The following ANKS1B variants were observed in gnomAD, a reference collection of about 807,000 sequenced individuals.
The protein encoded by ANKS1B is ankyrin repeat and sterile alpha motif domain-containing protein 1B.
In ANKS1B, 36 loss-of-function variants were observed where a neutral mutation model predicts 148.3. That is an observed-to-expected ratio of 0.24 (90% confidence interval 0.19 to 0.32). The LOEUF (loss-of-function observed/expected upper bound fraction) is 0.32. Ranked by LOEUF, ANKS1B falls within the 10% of genes least tolerant of loss-of-function variation. ANKS1B has a pLI of 1.00. For synonymous variants in ANKS1B, 542 were observed against 560.8 expected, an observed-to-expected ratio of 0.97 and a Z score of 0.47; for missense variants, 1,157 against 1,542.6, an observed-to-expected ratio of 0.75 and a Z score of 4.19.
chr12:98,879,410 G>A (rs911085555), intron 17 of ANKS1B, among the ~76,000 whole-genome samples: 5 of 152,226 alleles, frequency 3.3e-5, no homozygotes, highest in Non-Finnish European at 7.3e-5. Context: ...ATAAGTCATA[G>A]AGTGAGGATG....
chr12:98,832,045 C>T lies in ANKS1B; in HGVS notation c.2870G>A (p.Arg957Gln). The change falls in exon 18 of 27, where the codon CGG becomes CAG. Residue 957 changes from arginine to glutamine, a missense_variant. Arg to Gln is a conservative substitution (Grantham distance 43). This residue lies in a region of ANKS1B where 258 missense variants were observed against 497.0 expected (regional missense o/e 0.52). Coordinates refer to ENST00000683438, the MANE Select transcript of ANKS1B (RefSeq NM_001352186.2). ...LHDDPPQKPP[R>Q]SITLREPSGN... Reference sequence around the variant, plus strand: ...GGCACTTACCCTGAGGGTGATGGACCGAGGGGGCTTCTGTGGGGGATCGTC... The same window carrying T: ...GGCACTTACCCTGAGGGTGATGGACTGAGGGGGCTTCTGTGGGGGATCGTC... 5.6e-6 allele frequency: 9 copies of T among 1,593,386 alleles called. No individual in the cohort carries two copies. The highest frequency in any genetic ancestry group is 7.7e-6 in the Non-Finnish European group (9 of 1,169,616).
At chr12:99,883,052 C>T (rs548772664) in intron 1 of ANKS1B, among the ~76,000 whole-genome samples, 8 of 152,142 alleles carry the variant, frequency 5.3e-5, no homozygotes, top group Non-Finnish European at 7.3e-5. Flanking sequence ...ATGCCATATG[C>T]AAATGTGGAA....
intron 12 of ANKS1B, among the ~76,000 whole-genome samples, chr12:99,270,456 A>T (rs1432138397): frequency 4.6e-5 from 7 of 152,028 alleles, no homozygotes; most frequent in African/African-American, 1.2e-4. Context: ...GAGGTTACTT[A>T]TATTTGTTTT....
chr12:99,375,646 G>C (rs368844865), intron 12 of ANKS1B, among the ~76,000 whole-genome samples: 2 of 151,532 alleles, frequency 1.3e-5, no homozygotes, highest in African/African-American at 4.9e-5. Context: ...ATTTGACAAA[G>C]GTATAATGAA....
intron 17 of ANKS1B, among the ~76,000 whole-genome samples, chr12:98,950,681 T>C (rs1320605486): frequency 6.6e-6 from 1 of 152,164 alleles, no homozygotes; most frequent in Admixed American, 6.5e-5. Context: ...CCCCAGGTAA[T>C]TCCTGCAAGC....
At chr12:99,527,489 A>G (rs1439001641) in intron 9 of ANKS1B, among the ~76,000 whole-genome samples, 1 of 152,174 alleles carries the variant, frequency 6.6e-6, no homozygotes, top group East Asian at 1.9e-4. Flanking sequence ...ACTTGTTAGT[A>G]ATCCGGATTT....
intron 17 of ANKS1B, among the ~76,000 whole-genome samples, chr12:98,948,980 T>A (rs1349663062): frequency 2.9e-5 from 4 of 136,558 alleles, no homozygotes; most frequent in Non-Finnish European, 6.2e-5. Flanking sequence ...TGAGATGGAG[T>A]CTTGCTCTGT....
At chr12:99,486,102 T>C (rs1643325693) in intron 10 of ANKS1B, among the ~76,000 whole-genome samples, 1 of 151,326 alleles carries the variant, frequency 6.6e-6, no homozygotes, top group African/African-American at 2.5e-5. Flanking sequence ...TAGAATCCTG[T>C]TTTGTCATAT....
intron 1 of ANKS1B, among the ~76,000 whole-genome samples, chr12:99,845,899 T>C (rs2086593846): frequency 6.6e-6 from 1 of 152,040 alleles, no homozygotes; most frequent in Non-Finnish European, 1.5e-5. Flanking sequence ...TTCAGAACAA[T>C]ATTGGTCTCT....
At chr12:99,737,442 A>C (rs1346248502) in intron 8 of ANKS1B, among the ~76,000 whole-genome samples, 1 of 152,128 alleles carries the variant, frequency 6.6e-6, no homozygotes. Context: ...ATACAAAGAC[A>C]AACATAATAT....
At chr12:99,919,710 C>T (rs1486326528) in intron 1 of ANKS1B, among the ~76,000 whole-genome samples, 1 of 150,844 alleles carries the variant, frequency 6.6e-6, no homozygotes, top group African/African-American at 2.5e-5. Flanking sequence ...AACATGGTAG[C>T]CTCTAGCCAC....
chr12:99,429,555 G>C (rs140052627), intron 11 of ANKS1B, among the ~76,000 whole-genome samples: 1 of 152,188 alleles, frequency 6.6e-6, no homozygotes, highest in Non-Finnish European at 1.5e-5. Context: ...ATATTATTAG[G>C]ACAATTGGTG....
chr12:99,734,672 T>G (rs1486821726), intron 8 of ANKS1B, among the ~76,000 whole-genome samples: 1 of 152,208 alleles, frequency 6.6e-6, no homozygotes, highest in African/African-American at 2.4e-5. Context: ...TTCTCCCTGC[T>G]TTCACTGTTA....
intron 17 of ANKS1B, among the ~76,000 whole-genome samples, chr12:98,862,635 C>T (rs1353839663): frequency 6.6e-6 from 1 of 152,128 alleles, no homozygotes; most frequent in Non-Finnish European, 1.5e-5. Context: ...TTAGCAATGA[C>T]TGACTTTTAG....
chr12:99,886,314 A>G (rs1045072320), intron 1 of ANKS1B, among the ~76,000 whole-genome samples: 1 of 152,230 alleles, frequency 6.6e-6, no homozygotes, highest in African/African-American at 2.4e-5. Context: ...ATGAAATGGT[A>G]AGCTCTGTGA....
intron 17 of ANKS1B, among the ~76,000 whole-genome samples, chr12:98,846,733 C>T (rs2099474655): frequency 6.6e-6 from 1 of 152,200 alleles, no homozygotes; most frequent in Non-Finnish European, 1.5e-5. Context: ...TCCTTTTCCT[C>T]TTCTCCATCT....
intron 17 of ANKS1B, among the ~76,000 whole-genome samples, chr12:98,961,227 A>G (rs2099870870): frequency 1.3e-5 from 2 of 152,196 alleles, no homozygotes; most frequent in South Asian, 4.1e-4. Flanking sequence ...CCCAAAGATC[A>G]AGGATAAAGA....
chr12:99,539,676 A>T (rs1223518199), intron 9 of ANKS1B, among the ~76,000 whole-genome samples: 1 of 152,184 alleles, frequency 6.6e-6, no homozygotes, highest in Non-Finnish European at 1.5e-5. Context: ...AGTAGATTCA[A>T]CACTCCAAAC....
rs1374153185 is a variant in ANKS1B at position 99,221,486 on chromosome 12, C to T, written c.2419+22856G>A. On this transcript the variant is annotated intron_variant, in intron 14 of 26. Coordinates refer to ENST00000683438, the MANE Select transcript of ANKS1B (RefSeq NM_001352186.2). ...AATAAGAAAGAGCTCCTTTGCCCTT[C>T]ACATCAATAGAAATAGACCAACAGC... 2.0e-5 allele frequency among the ~76,000 whole-genome samples: 3 copies of T among 152,156 alleles called. No individual in the cohort carries two copies. In the East Asian group the frequency reaches 5.8e-4, roughly 29 times the overall value.
Sources: allele counts gnomAD v4.1 joint callset (sites outside exome capture counted in the v4.1 genomes callset), GRCh38; gene constraint gnomAD v4.1.1; regional missense constraint gnomAD v4.1.1; transcripts MANE v1.5; gene names NCBI Gene and HGNC (gene_info 2026-07-23, HGNC 2026-07-21).